The following MSRA variants were observed in gnomAD, a reference collection of about 807,000 sequenced individuals.
The protein encoded by MSRA is mitochondrial peptide methionine sulfoxide reductase.
MSRA carries 54 observed loss-of-function variants against 31.3 expected under a neutral mutation model. The ratio of observed to expected loss-of-function variants is 1.73; its 90% CI spans 1.39 to 2.17. The LOEUF (loss-of-function observed/expected upper bound fraction) is 2.17. Among genes scored for constraint, MSRA ranks in the 30% most tolerant of loss-of-function variants. The pLI is 0.00. For missense variants in MSRA, 507 were observed against 300.9 expected (o/e 1.69, Z -5.07); for synonymous variants, 169 against 116.5 (o/e 1.45, Z -2.90).
intron 1 of MSRA, among the ~76,000 whole-genome samples, chr8:10,075,421 G>A (rs1049488279): frequency 6.6e-6 from 1 of 152,196 alleles, no homozygotes; most frequent in South Asian, 2.1e-4. Flanking sequence ...ATTTTATTAC[G>A]ACTGTGTATG....
intron 2 of MSRA, among the ~76,000 whole-genome samples, chr8:10,212,725 T>C (rs1289259267): frequency 1.3e-5 from 2 of 152,180 alleles, no homozygotes; most frequent in African/African-American, 2.4e-5. Context: ...ACTTGAGATA[T>C]TCAGATGGTA....
At chr8:10,196,608 G>A (rs1226766687) in intron 1 of MSRA, among the ~76,000 whole-genome samples, 2 of 152,154 alleles carry the variant, frequency 1.3e-5, no homozygotes, top group East Asian at 3.9e-4. Context: ...GGAGTGCAGT[G>A]GTGCAATCTC....
At chr8:10,089,324 C>G (rs1798743008) in intron 1 of MSRA, among the ~76,000 whole-genome samples, 1 of 152,192 alleles carries the variant, frequency 6.6e-6, no homozygotes, top group Non-Finnish European at 1.5e-5. Context: ...ACAAACCTAA[C>G]AATTGCCTCC....
chr8:10,392,211 G>T (rs942955591), intron 5 of MSRA, among the ~76,000 whole-genome samples: 5 of 152,196 alleles, frequency 3.3e-5, no homozygotes, highest in Non-Finnish European at 5.9e-5. Flanking sequence ...ATCTGGGCTG[G>T]CCAGACTCCA....
At chr8:10,209,702 T>C (rs544322966) in intron 2 of MSRA, among the ~76,000 whole-genome samples, 33 of 152,308 alleles carry the variant, frequency 2.2e-4, no homozygotes, top group Admixed American at 1.4e-3. Flanking sequence ...ACAGGTGAAC[T>C]CTAAGGCCTC....
chr8:10,097,655 T>A (rs1273015852), intron 1 of MSRA, among the ~76,000 whole-genome samples: 1 of 152,160 alleles, frequency 6.6e-6, no homozygotes, highest in Non-Finnish European at 1.5e-5. Context: ...TTTAAGTCCA[T>A]TTTTTCTTGA....
chr8:10,340,411 C>G (rs1453156473), intron 5 of MSRA, among the ~76,000 whole-genome samples: 5 of 152,228 alleles, frequency 3.3e-5, no homozygotes. Flanking sequence ...TTTCCTCTGT[C>G]ACCCAGGCTG....
chr8:10,063,759 C>T (rs541379855), intron 1 of MSRA, among the ~76,000 whole-genome samples: 21 of 152,210 alleles, frequency 1.4e-4, no homozygotes, highest in African/African-American at 3.1e-4. Context: ...AACCTGCTAG[C>T]GCTTTGATCT....
chr8:10,142,116 G>A (rs565290875), intron 1 of MSRA, among the ~76,000 whole-genome samples: 5 of 152,060 alleles, frequency 3.3e-5, no homozygotes, highest in Admixed American at 2.0e-4. Context: ...TTGCCACCAC[G>A]GCCAGCTAAT....
At chr8:10,089,485 G>A (rs982665045) in intron 1 of MSRA, among the ~76,000 whole-genome samples, 2 of 152,216 alleles carry the variant, frequency 1.3e-5, no homozygotes, top group African/African-American at 2.4e-5. Flanking sequence ...CCCATGGTCA[G>A]TGTCTGATGT....
chr8:10,295,003 C>G (rs1800455216), intron 3 of MSRA, among the ~76,000 whole-genome samples: 1 of 152,172 alleles, frequency 6.6e-6, no homozygotes, highest in Non-Finnish European at 1.5e-5. Context: ...CAAAGAATGA[C>G]TTGGACAAGT....
At chr8:10,293,466 C>G (rs1800358281) in intron 3 of MSRA, among the ~76,000 whole-genome samples, 1 of 152,218 alleles carries the variant, frequency 6.6e-6, no homozygotes, top group African/African-American at 2.4e-5. Context: ...CTGCTTAGCG[C>G]CCACCAATGC....
intron 5 of MSRA, among the ~76,000 whole-genome samples, chr8:10,386,818 G>A (rs1025738036): frequency 1.3e-5 from 2 of 151,188 alleles, no homozygotes; most frequent in Non-Finnish European, 2.9e-5. Flanking sequence ...TTCCTCCTCC[G>A]GGAAAAATGG....
At chr8:10,283,824 TATATATATATATACACAC>T (rs1383987275) in intron 3 of MSRA, among the ~76,000 whole-genome samples, 17 of 68,972 alleles carry the variant, frequency 2.5e-4, no homozygotes, top group Admixed American at 1.6e-3. Context: ...TATATATATA[TATATATATATATACACAC>T]ACACACACAC....
intron 5 of MSRA, among the ~76,000 whole-genome samples, chr8:10,425,149 G>C (rs983046960): frequency 6.6e-6 from 1 of 151,940 alleles, no homozygotes; most frequent in Non-Finnish European, 1.5e-5. Flanking sequence ...TGGGTGGGGG[G>C]ATGGGGGAGA....
At chr8:10,427,190 T>C (rs961739758) in intron 5 of MSRA, among the ~76,000 whole-genome samples, 2 of 152,156 alleles carry the variant, frequency 1.3e-5, no homozygotes, top group Admixed American at 6.5e-5. Context: ...TGCAGCTCTT[T>C]ACTGAATGGA....
intron 1 of MSRA, among the ~76,000 whole-genome samples, chr8:10,065,070 C>A (rs1034136925): frequency 6.6e-6 from 1 of 152,014 alleles, no homozygotes; most frequent in Non-Finnish European, 1.5e-5. Flanking sequence ...TCCTGAGAGG[C>A]AGTTTACAAA....
chr8:10,140,033 C>T (rs1278080602), intron 1 of MSRA, among the ~76,000 whole-genome samples: 1 of 152,200 alleles, frequency 6.6e-6, no homozygotes, highest in African/African-American at 2.4e-5. Flanking sequence ...TTCTGCGACA[C>T]GGGAGCCTTC....
At chr8:10,372,067 G>A (rs1367362624) in intron 5 of MSRA, among the ~76,000 whole-genome samples, 3 of 152,194 alleles carry the variant, frequency 2.0e-5, no homozygotes, top group African/African-American at 7.2e-5. Context: ...GATTGTCATT[G>A]CCACCTCATG....
Sources: allele counts gnomAD v4.1 joint callset (sites outside exome capture counted in the v4.1 genomes callset), GRCh38; gene constraint gnomAD v4.1.1; transcripts MANE v1.5; gene names NCBI Gene and HGNC (gene_info 2026-07-23, HGNC 2026-07-21).